NFYA: variants seen among roughly 807,000 people sequenced by gnomAD.
NFYA encodes CAAT-box DNA binding protein subunit A.
Under a neutral mutation model 52.8 loss-of-function variants are expected in NFYA, and 28 were observed. That is an observed-to-expected ratio of 0.53 (90% CI 0.39 to 0.73). The LOEUF is 0.73. Among genes scored for constraint, NFYA ranks in the 30% least tolerant of loss-of-function variants. The pLI is 0.00. For missense variants in NFYA, 234 were observed against 427.0 expected (o/e 0.55, Z 3.98); for synonymous variants, 150 against 150.7 (o/e 1.00, Z 0.03).
chr6:41,090,897 T>A (rs1764182509), intron 6 of NFYA, among the ~76,000 whole-genome samples: 1 of 152,174 alleles, frequency 6.6e-6, no homozygotes, highest in East Asian at 1.9e-4. Context: ...GTCAAATAGT[T>A]AAATCAAAAA....
At chr6:41,077,130 C>T (rs375381906) in intron 1 of NFYA, among the ~76,000 whole-genome samples, 17 of 152,004 alleles carry the variant, frequency 1.1e-4, no homozygotes, top group African/African-American at 4.1e-4. Flanking sequence ...GGATATTAGT[C>T]AAGGAAAAAA....
In NFYA at chr6:41,079,057, C is replaced by G; in HGVS notation, c.-33C>G. ...TGTACCTCACAGCCTTCTAGGATCT[C>G]CAGAGTGGACAGGAATCTCACTTGG... On this transcript the variant is annotated 5_prime_UTR_variant, in exon 2 of 10. Coordinates refer to ENST00000341376, the MANE Select transcript of NFYA (RefSeq NM_002505.5). 3.1e-6 allele frequency: 5 copies of G among 1,607,456 alleles called. No individual in the cohort carries two copies. The highest frequency in any genetic ancestry group is 1.3e-5 in the African/African-American group (1 of 74,906).
In NFYA at chr6:41,098,703, C is replaced by G. The variant is rs574348817; in HGVS notation, c.*1293C>G. On this transcript the variant is annotated 3_prime_UTR_variant, in exon 10 of 10. Coordinates refer to ENST00000341376, the MANE Select transcript of NFYA (RefSeq NM_002505.5). ...TCCCATGGCAGCTGATTCTTTGGTGCCAGTTTTCATGTTTTCTCCATAGGC... is the reference window on the plus strand; with the variant it reads ...TCCCATGGCAGCTGATTCTTTGGTGGCAGTTTTCATGTTTTCTCCATAGGC... 2.0e-5 allele frequency: 3 copies of G among 152,756 alleles called. No individual in the cohort carries two copies. The South Asian group carries it at 6.2e-4, about 32-fold the overall frequency. The allele number at this position is 152,756 out of a possible 1,614,324, so 9.5% of individuals were successfully genotyped here.
chr6:41,080,278 C>G (rs1489098637), intron 2 of NFYA, among the ~76,000 whole-genome samples: 1 of 151,910 alleles, frequency 6.6e-6, no homozygotes, highest in Non-Finnish European at 1.5e-5. Context: ...AGCAAGACCC[C>G]ATCTCAAAAT....
intron 4 of NFYA, among the ~76,000 whole-genome samples, chr6:41,088,617 T>C (rs1012514133): frequency 2.6e-5 from 4 of 151,950 alleles, no homozygotes; most frequent in Admixed American, 2.6e-4. Context: ...AGTTACTCGC[T>C]CTGTTGCCTA....
intron 1 of NFYA, among the ~76,000 whole-genome samples, chr6:41,076,639 T>A (rs1406617160): frequency 6.6e-6 from 1 of 152,236 alleles, no homozygotes; most frequent in Non-Finnish European, 1.5e-5. Flanking sequence ...GAAGAGAATT[T>A]TCATGCTAGC....
rs1166013377 is a variant in NFYA at position 41,100,278 on chromosome 6, C to T, written c.*2868C>T. ...CCATGAGGAAAATTAGCCGTTATCA[C>T]AAAAACAGCCTTAAGTATTGTAGAA... is the stretch of plus-strand genomic sequence containing the variant. On this transcript the variant is annotated 3_prime_UTR_variant, in exon 10 of 10. Transcript: ENST00000341376. 6.6e-6 allele frequency among the ~76,000 whole-genome samples: 1 copy of T among 152,150 alleles called. No individual in the cohort carries two copies. The highest frequency in any genetic ancestry group is 1.5e-5 in the Non-Finnish European group (1 of 68,020).
chr6:41,076,412 C>G (rs1035288257), intron 1 of NFYA, among the ~76,000 whole-genome samples: 1 of 152,162 alleles, frequency 6.6e-6, no homozygotes, highest in African/African-American at 2.4e-5. Flanking sequence ...AGTTAAAAAG[C>G]TACTGTTCTA....
intron 4 of NFYA, 122 bp downstream of exon 4, chr6:41,084,314 CA>C: frequency 2.5e-6 from 3 of 1,196,340 alleles, no homozygotes; most frequent in East Asian, 2.6e-5. Context: ...ATTTTGCATT[CA>C]GTTGATTTTC....
rs1028779631 is a variant in NFYA, at chr6:41,100,568, T to C, written c.*3158T>C. The stretch of plus-strand genomic sequence containing the variant: ...CTGGCAGATGAGAGAGGAGAAACTC[T>C]CCACAATGAAGGAAAAGCACTGACA... On this transcript the variant is annotated 3_prime_UTR_variant, in exon 10 of 10. Transcript: ENST00000341376. 2.6e-5 allele frequency among the ~76,000 whole-genome samples: 4 copies of C among 152,150 alleles called. No individual in the cohort carries two copies. Among genetic ancestry groups the C allele is most frequent in the African/African-American group, 9.7e-5 (4 of 41,444 alleles).
chr6:41,087,975 G>C (rs1764091415), intron 4 of NFYA, among the ~76,000 whole-genome samples: 1 of 152,124 alleles, frequency 6.6e-6, no homozygotes, highest in Non-Finnish European at 1.5e-5. Flanking sequence ...CCAAATAGGA[G>C]ATACAAATTA....
chr6:41,082,135 C>G (rs1763927486), intron 3 of NFYA, among the ~76,000 whole-genome samples: 1 of 152,172 alleles, frequency 6.6e-6, no homozygotes, highest in Admixed American at 6.5e-5. Flanking sequence ...TGCTAAGCAT[C>G]CAGCAGATAA....
At chr6:41,076,364 A>G (rs1218736787) in intron 1 of NFYA, among the ~76,000 whole-genome samples, 3 of 152,256 alleles carry the variant, frequency 2.0e-5, no homozygotes, top group Admixed American at 2.0e-4. Context: ...GAGTTGTGAT[A>G]ATGAAATGTG....
chr6:41,079,778 G>GA (rs1304555841), intron 2 of NFYA, among the ~76,000 whole-genome samples: 2 of 151,876 alleles, frequency 1.3e-5, no homozygotes. Flanking sequence ...CACCCCAGAA[G>GA]AAAAAAATGT....
At position 41,100,167 on chromosome 6, in the gene NFYA, TGAG is replaced by T. The variant is rs1421447062; in HGVS notation, c.*2761_*2763del. Among the ~76,000 whole-genome samples the T allele has an allele frequency of 8.5e-5, 13 of 152,146 alleles. No homozygotes were observed. The highest frequency in any genetic ancestry group is 2.1e-4 in the South Asian group (1 of 4,828). Reference sequence around the variant, plus strand: ...TTCCCTTTTGGCCCTTCCACCCTGTTGAGGAGATTTTTTCTGTCACCTGCAGGC... The same window carrying T: ...TTCCCTTTTGGCCCTTCCACCCTGTTGAGATTTTTTCTGTCACCTGCAGGC... On this transcript the variant is annotated 3_prime_UTR_variant, in exon 10 of 10. Transcript: ENST00000341376.
chr6:41,076,128 G>A (rs1763727111), intron 1 of NFYA, among the ~76,000 whole-genome samples: 1 of 152,154 alleles, frequency 6.6e-6, no homozygotes, highest in Non-Finnish European at 1.5e-5. Flanking sequence ...ATATCTGCCA[G>A]GCATGATGAT....
At chr6:41,074,173 A>G (rs1024138037) in intron 1 of NFYA, among the ~76,000 whole-genome samples, 3 of 151,058 alleles carry the variant, frequency 2.0e-5, no homozygotes, top group African/African-American at 7.3e-5. Flanking sequence ...GACCCAGTCC[A>G]CTCATCTCTT....
intron 7 of NFYA, 145 bp downstream of exon 7, chr6:41,091,839 T>C: frequency 1.1e-6 from 1 of 887,244 alleles, no homozygotes; most frequent in Non-Finnish European, 1.7e-6. Context: ...AATAACATTA[T>C]GACAAACCAT....
chr6:41,090,767 A>G (rs1300201636), intron 6 of NFYA, among the ~76,000 whole-genome samples: 1 of 152,246 alleles, frequency 6.6e-6, no homozygotes, highest in Non-Finnish European at 1.5e-5. Context: ...TGAACAAATA[A>G]ATACAATGCA....
Sources: allele counts gnomAD v4.1 joint callset (sites outside exome capture counted in the v4.1 genomes callset), GRCh38; gene constraint gnomAD v4.1.1; transcripts MANE v1.5; gene names NCBI Gene and HGNC (gene_info 2026-07-23, HGNC 2026-07-21).